CPNE4: variants seen among roughly 807,000 people sequenced by gnomAD.
CPNE4 encodes the protein copine-4.
In CPNE4, 25 loss-of-function variants were observed where a neutral mutation model predicts 67.9. The observed-to-expected ratio is 0.37, with a 90% CI of 0.27 to 0.51. The LOEUF is 0.51. Among genes scored for constraint, CPNE4 ranks in the 20% least tolerant of loss-of-function variants. The pLI, the probability that CPNE4 is intolerant of heterozygous loss-of-function variation, is 0.93. For missense variants in CPNE4, 464 were observed against 690.8 expected (o/e 0.67, Z 3.68); for synonymous variants, 242 against 244.9 (o/e 0.99, Z 0.11).
rs190629003 is a variant in CPNE4 at position 132,025,658 on chromosome 3, C to T, written c.-2+8909G>A. On this transcript the variant is annotated intron_variant, in intron 1 of 15. Coordinates refer to ENST00000429747, the MANE Select transcript of CPNE4 (RefSeq NM_130808.3). ...AGCCTCTAGTTTGTGAGAGATGCCA[C>T]CAGCAAATAAAGGTTGCAATTTGAG... Among the ~76,000 whole-genome samples the T allele has an allele frequency of 2.2e-4, 33 of 152,302 alleles. No homozygotes were observed. In the East Asian group the frequency reaches 6.2e-3, roughly 28 times the overall value.
chr3:131,669,719 A>T lies in CPNE4; in HGVS notation c.637T>A (p.Ser213Thr). 3.7e-6 allele frequency: 6 copies of T among 1,613,928 alleles called. No homozygotes were observed. The highest frequency in any genetic ancestry group is 4.2e-6 in the Non-Finnish European group (5 of 1,179,868). ...LSPAWKSFKV[S>T]VNSLCSGDPD... is the part of the protein sequence containing the mutation. ...TCTCCGCTGCATAGAGAATTTACAG[A>T]TACTTTGAATGATTTCCAGGCTGGG... Residue 213 changes from serine to threonine, a missense_variant, in exon 7 of 16, where the codon TCT (serine) becomes ACT (threonine). Transcript: ENST00000429747.
chr3:131,667,213 A>T (rs987090333), intron 7 of CPNE4, among the ~76,000 whole-genome samples: 1 of 152,106 alleles, frequency 6.6e-6, no homozygotes, highest in Non-Finnish European at 1.5e-5. Flanking sequence ...AGAAAAAAAA[A>T]TTAGAATATT....
intron 11 of CPNE4, among the ~76,000 whole-genome samples, chr3:131,559,886 G>A (rs1480321965): frequency 6.6e-6 from 1 of 151,966 alleles, no homozygotes; most frequent in African/African-American, 2.4e-5. Context: ...ATTATAAAAT[G>A]TCCAAACTTA....
At chr3:131,920,842 T>C (rs2070723173) in intron 1 of CPNE4, among the ~76,000 whole-genome samples, 1 of 152,178 alleles carries the variant, frequency 6.6e-6, no homozygotes, top group Admixed American at 6.6e-5. Flanking sequence ...GCATTTCATC[T>C]AGAAGGGCAC....
In CPNE4 at chr3:131,792,925, G is replaced by GTGTGTGTGTGTGTATCTATA. The variant is rs58502463; in HGVS notation, c.181-69301_181-69300insTATAGATACACACACACACA. Among the ~76,000 whole-genome samples the GTGTGTGTGTGTGTATCTATA allele has an allele frequency of 4.1e-3, 548 of 135,218 alleles. 6 individuals carry two copies. The highest frequency in any genetic ancestry group is 0.015 in the African/African-American group (516 of 34,978). 88.7% of individuals were successfully genotyped at this position (135,218 alleles called of 152,430 possible). ...TGTGTGTGTGTGTGTGTGTGTGTGT[G>GTGTGTGTGTGTGTATCTATA]TATCTCCAACAAAACATGCCAAAAC... On this transcript the variant is annotated intron_variant, in intron 2 of 15. Coordinates refer to ENST00000429747, the MANE Select transcript of CPNE4 (RefSeq NM_130808.3).
intron 1 of CPNE4, among the ~76,000 whole-genome samples, chr3:131,929,556 G>C (rs1013657109): frequency 2.7e-5 from 4 of 147,360 alleles, no homozygotes; most frequent in African/African-American, 1.0e-4. Context: ...GTCTTCACAG[G>C]GCCTCTGTTA....
intron 1 of CPNE4, among the ~76,000 whole-genome samples, chr3:132,017,127 A>C (rs1184856612): frequency 6.6e-6 from 1 of 152,250 alleles, no homozygotes; most frequent in African/African-American, 2.4e-5. Flanking sequence ...AAAAGTAATC[A>C]AAATTCCACA....
At chr3:131,570,335 T>TTTATTTA in intron 10 of CPNE4, among the ~76,000 whole-genome samples, 1 of 150,876 alleles carries the variant, frequency 6.6e-6, no homozygotes, top group African/African-American at 2.4e-5. Context: ...TTATTTATTT[T>TTTATTTA]TTTAAAATTT....
intron 1 of CPNE4, among the ~76,000 whole-genome samples, chr3:132,015,725 G>A (rs78028038): frequency 6.6e-6 from 1 of 152,338 alleles, no homozygotes; most frequent in Non-Finnish European, 1.5e-5. Flanking sequence ...CCCAAGCAAT[G>A]CTGCTGATGA....
intron 1 of CPNE4, among the ~76,000 whole-genome samples, chr3:131,942,122 C>T (rs535907804): frequency 4.0e-5 from 6 of 151,512 alleles, no homozygotes; most frequent in East Asian, 1.9e-4. Context: ...AAAATGTTAC[C>T]GTTAAACTTC....
chr3:131,711,943 G>A (rs528954682), intron 3 of CPNE4, among the ~76,000 whole-genome samples: 2 of 152,198 alleles, frequency 1.3e-5, no homozygotes, highest in East Asian at 3.9e-4. Context: ...AATCAAATTA[G>A]CCCAGCCAAC....
At chr3:131,865,985 C>G (rs2086931819) in intron 2 of CPNE4, among the ~76,000 whole-genome samples, 1 of 152,152 alleles carries the variant, frequency 6.6e-6, no homozygotes, top group South Asian at 2.1e-4. Context: ...TACAGGCTCA[C>G]ACATCATTTA....
chr3:131,549,853 T>C, intron 14 of CPNE4, 94 bp downstream of exon 14: 3 of 1,404,486 alleles, frequency 2.1e-6, no homozygotes, highest in Non-Finnish European at 3.0e-6. Flanking sequence ...GGAGAAGTGT[T>C]GGAATTTATT....
At chr3:131,924,469 T>C (rs1450552083) in intron 1 of CPNE4, among the ~76,000 whole-genome samples, 1 of 152,078 alleles carries the variant, frequency 6.6e-6, no homozygotes, top group African/African-American at 2.4e-5. Flanking sequence ...AATACTAAAT[T>C]ATCTTGAAAT....
intron 2 of CPNE4, among the ~76,000 whole-genome samples, chr3:131,776,817 G>A (rs2083302313): frequency 6.6e-6 from 1 of 152,096 alleles, no homozygotes; most frequent in South Asian, 2.1e-4. Flanking sequence ...TCTCTTTAGG[G>A]AGAAAATAAC....
At position 131,700,136 on chromosome 3, in the gene CPNE4, C is replaced by T. The variant is rs556242868; in HGVS notation, c.361-156G>A. 3.4e-4 allele frequency among the ~76,000 whole-genome samples: 49 copies of T among 142,800 alleles called. No homozygotes were observed. In the South Asian group the frequency reaches 0.01, roughly 29 times the overall value. The allele number at this position is 142,800 out of a possible 152,430, so 93.7% of individuals were successfully genotyped here. A position where few individuals can be genotyped will look rare whatever the true frequency, so the allele number is the denominator to read the frequency against. ...TATTTCAGGGTTTGTCAATGAGCCT[C>T]TCCTAATATAGGTTATTCCCTTTTC... On this transcript the variant is annotated intron_variant, in intron 3 of 15. Transcript: ENST00000429747.
chr3:131,646,244 A>T (rs541552059), intron 7 of CPNE4, among the ~76,000 whole-genome samples: 50 of 152,204 alleles, frequency 3.3e-4, no homozygotes, highest in African/African-American at 1.2e-3. Context: ...AGAGCAACAT[A>T]TTTTTTTCTT....
At chr3:131,997,777 C>A (rs956478998) in intron 1 of CPNE4, among the ~76,000 whole-genome samples, 1 of 152,096 alleles carries the variant, frequency 6.6e-6, no homozygotes, top group Non-Finnish European at 1.5e-5. Context: ...TTGATGGCAA[C>A]AAAGCGGCCA....
chr3:132,027,831 T>C (rs956201931), intron 1 of CPNE4, among the ~76,000 whole-genome samples: 29 of 18,734 alleles, frequency 1.5e-3, no homozygotes, highest in African/African-American at 6.8e-3. Flanking sequence ...TCTTTAATGA[T>C]AATGATAAAG....
Sources: allele counts gnomAD v4.1 joint callset (sites outside exome capture counted in the v4.1 genomes callset), GRCh38; gene constraint gnomAD v4.1.1; transcripts MANE v1.5; gene names NCBI Gene and HGNC (gene_info 2026-07-23, HGNC 2026-07-21).